Variants in CIC observed in about 807,000 individuals in gnomAD.
CIC encodes capicua transcriptional repressor, also known as protein capicua homolog.
CIC carries 18 observed loss-of-function variants against 115.7 expected under a neutral mutation model. The ratio of observed to expected loss-of-function variants is 0.16; its 90% confidence interval spans 0.11 to 0.23. The LOEUF (loss-of-function observed/expected upper bound fraction) is 0.23. CIC is among the 10% of genes least tolerant of loss of function. The probability of loss-of-function intolerance (pLI) is 1.00; values close to 1 mark genes in which losing one functional copy is unlikely to be tolerated. For synonymous variants in CIC, 1,076 were observed against 923.0 expected (o/e 1.17, Z -3.01); for missense variants, 2,000 against 2,159.3 (o/e 0.93, Z 1.46).
intron 2 of CIC, among the ~76,000 whole-genome samples, chr19:42,281,035 AC>A (rs1439363664): frequency 7.5e-6 from 1 of 132,604 alleles, no homozygotes; most frequent in African/African-American, 2.9e-5. Context: ...ACACTGACTC[AC>A]CCCGGCGCTA....
rs932288253 is a variant in CIC, at chr19:42,287,303, C to T, written c.3180-17C>T. The T allele has an allele frequency of 5.6e-6, 9 of 1,614,112 alleles. No homozygotes were observed. The highest frequency in any genetic ancestry group is 7.6e-6 in the Non-Finnish European group (9 of 1,180,030). On this transcript the variant is annotated splice_polypyrimidine_tract_variant and intron_variant, in intron 4 of 20. Transcript: ENST00000681038. This position sits in a 1 kb window ranked among gnomAD's most constrained non-coding sequence, Gnocchi z 8.7. ...GCCAGAGACATGGCCCTCACTGTCC[C>T]TGCTGCCCCGCCGCAGCTTCCTCTC... is the stretch of plus-strand genomic sequence containing the variant.
intron 16 of CIC, 152 bp from the exon 17 acceptor site, chr19:42,293,440 C>T: frequency 7.2e-7 from 1 of 1,390,748 alleles, no homozygotes; most frequent in Non-Finnish European, 9.9e-7. Context: ...TCTCCTCTCC[C>T]ATCTGAGGCC....
intron 2 of CIC, among the ~76,000 whole-genome samples, chr19:42,275,508 C>T (rs2036940535): frequency 6.6e-6 from 1 of 152,058 alleles, no homozygotes; most frequent in African/African-American, 2.4e-5. Context: ...GAGGGAAGGC[C>T]AGGGTGGCTG....
Position 42,289,963 on chromosome 19 carries a change from G to T in CIC, c.4191+12G>T. 1 of 1,587,186 alleles carries T rather than the reference G, an allele frequency of 6.3e-7. No homozygotes were observed. Among genetic ancestry groups the T allele is most frequent in the East Asian group, 2.3e-5 (1 of 44,132 alleles). ...CAGAGGGCAACAAGGTGAGGGCTTG[G>T]GTCACGGTGCTGTCCCATCACACTC... is the stretch of plus-strand genomic sequence containing the variant. On this transcript the variant is annotated intron_variant, in intron 10 of 20. Transcript: ENST00000681038.
chr19:42,295,249 T>A lies in CIC; in HGVS notation c.*58T>A. 2.0e-6 allele frequency: 3 copies of A among 1,465,560 alleles called. No homozygotes were observed. Among genetic ancestry groups the A allele is most frequent in the Non-Finnish European group, 2.8e-6 (3 of 1,086,260 alleles). 90.8% of individuals were successfully genotyped at this position (1,465,560 alleles called of 1,614,324 possible). On this transcript the variant is annotated 3_prime_UTR_variant, in exon 21 of 21. Coordinates refer to ENST00000681038, the MANE Select transcript of CIC (RefSeq NM_001386298.1). ...ACCCCCTCAGGACATGGACAGTATG[T>A]GGGGGCAGGAAGGTTATCTCCTCCC...
Position 42,291,727 on chromosome 19 carries a change from T to C in CIC, c.5595T>C (p.Gly1865=), listed in dbSNP as rs1007969231. ...SPPFSVPVQN[G]AQPPSKIIQL... ...CCTTCTCAGTACCTGTGCAGAATGG[T>C]GCCCAGCCCCCCAGCAAGGTGAGGG... The change falls in exon 12 of 21, where the codon GGT becomes GGC. Residue 1865 remains glycine (G), a synonymous_variant. Transcript: ENST00000681038. 2 of 1,612,864 alleles carry C rather than the reference T, an allele frequency of 1.2e-6. No homozygotes were observed. Among genetic ancestry groups the C allele is most frequent in the African/African-American group, 2.7e-5 (2 of 74,900 alleles).
chr19:42,282,613 T>C (rs2037309875), intron 2 of CIC, among the ~76,000 whole-genome samples: 1 of 152,192 alleles, frequency 6.6e-6, no homozygotes, highest in Admixed American at 6.5e-5. Flanking sequence ...TGGAGTTCCC[T>C]CCCTGGGTCC....
chr19:42,280,844 C>G lies in CIC; in HGVS notation c.2795-5927C>G, dbSNP rs1017796894. 6.6e-6 allele frequency among the ~76,000 whole-genome samples: 1 copy of G among 151,972 alleles called. No homozygotes were observed. The highest frequency in any genetic ancestry group is 1.5e-5 in the Non-Finnish European group (1 of 67,944). On this transcript the variant is annotated intron_variant, in intron 2 of 20. Transcript: ENST00000681038. The surrounding 1 kb of genome is among the most constrained non-coding windows in gnomAD (Gnocchi z 4.9). ...CCCTCAGCCCGCGCCGACCAACCCT[C>G]CCAGCCCAAGCGCCTGTACACCCCT...
rs1212174715 is a variant in CIC, at chr19:42,269,356, C to A, written c.-36C>A. ...GGACCGAGCCGGGGCCACGGCCCCC[C>A]GCCCCGAAACCCCGCCGAGCCCAAG... is the stretch of plus-strand genomic sequence containing the variant. On this transcript the variant is annotated 5_prime_UTR_variant, in exon 1 of 21. Transcript: ENST00000681038. The A allele has an allele frequency of 6.8e-6, 1 of 146,788 alleles. No homozygotes were observed. Among genetic ancestry groups the A allele is most frequent in the Admixed American group, 6.7e-5 (1 of 14,870 alleles). The allele number at this position is 146,788 out of a possible 1,614,324, so 9.1% of individuals were successfully genotyped here.
In CIC at chr19:42,294,964, C is replaced by T. The variant is rs760743180; in HGVS notation, c.7327C>T (p.Pro2443Ser). ...PTEQPPGAEA[P>S]LPVPPPTGTA... ...GGAGCAGCCCCCTGGAGCTGAGGCT[C>T]CTCTCCCTGTACCGCCCCCCACTGG... is the stretch of plus-strand genomic sequence containing the variant. Residue 2443 changes from proline (P) to serine (S), a missense_variant, in exon 21 of 21, where the codon CCT becomes TCT. By Grantham distance (74) the Pro-to-Ser change is moderately conservative. Transcript: ENST00000681038. 2 of 1,600,272 alleles carry T rather than the reference C, an allele frequency of 1.2e-6. No homozygotes were observed. The highest frequency in any genetic ancestry group is 2.2e-5 in the East Asian group (1 of 44,862).
rs749470261 is a variant in CIC, at chr19:42,294,227, G to A, written c.6977G>A (p.Arg2326His). 4 of 1,613,798 alleles carry A rather than the reference G, an allele frequency of 2.5e-6. No homozygotes were observed. Among genetic ancestry groups the A allele is most frequent in the Non-Finnish European group, 3.4e-6 (4 of 1,180,012 alleles). The part of the protein sequence containing the change: ...PTSPKRKMRR[R>H]SSCSSEPNTP... ...TCGCCCAAGCGCAAGATGAGAAGAC[G>A]CTCCAGCTGCAGCTCGGAGCCCAAC... is the stretch of plus-strand genomic sequence containing the variant. Residue 2326 changes from arginine to histidine, a missense_variant, in exon 19 of 21, where the codon CGC becomes CAC. Arg to His is a conservative substitution (Grantham distance 29). This residue lies in a region of CIC where 99 missense variants were observed against 217.6 expected (regional missense o/e 0.45). Transcript: ENST00000681038.
At chr19:42,268,864 C>T (rs1377734164), upstream of CIC, among the ~76,000 whole-genome samples, 1 of 152,226 alleles carries the variant, frequency 6.6e-6, no homozygotes, top group Non-Finnish European at 1.5e-5. Context: ...TTAGCCCCTC[C>T]TCCTTTCATT....
rs940815613 is a variant in CIC, at chr19:42,291,392, A to G, written c.5351A>G (p.Lys1784Arg). The G allele has an allele frequency of 6.2e-7, 1 of 1,612,434 alleles. No individual in the cohort carries two copies. Among genetic ancestry groups the G allele is most frequent in the Non-Finnish European group, 8.5e-7 (1 of 1,179,696 alleles). The change falls in exon 11 of 21, where the codon AAA (lysine) becomes AGA (arginine). Residue 1784 changes from lysine to arginine, a missense_variant. Around this residue, in one of 8 missense-constraint regions of CIC, gnomAD observed 1,466 missense variants for 1,390.4 expected, o/e 1.05. Coordinates refer to ENST00000681038, the MANE Select transcript of CIC (RefSeq NM_001386298.1). ...TLPPGTSTNGKVLAATAPTPG... is the reference protein window; with the variant it reads ...TLPPGTSTNGRVLAATAPTPG... ...CCACCGGGCACTTCCACCAACGGCA[A>G]AGTCCTGGCTGCCACTGCACCCACT...
chr19:42,284,887 T>G (rs2037515384), intron 2 of CIC: 5 of 965,060 alleles, frequency 5.2e-6, no homozygotes, highest in Non-Finnish European at 7.9e-6. Flanking sequence ...AGTAAAGGGA[T>G]GACGGGGAAA....
rs1051343138 is a variant in CIC at position 42,272,612 on chromosome 19, G to A, written c.829G>A (p.Gly277Ser). Residue 277 changes from glycine (G) to serine (S), a missense_variant, in exon 2 of 21, where the codon GGC becomes AGC. Transcript: ENST00000681038. ...GTAVCTCVEP[G>S]VAAYREGVVV... ...AGCTGTCTGTACCTGTGTGGAGCCC[G>A]GCGTGGCTGCCTACCGGGAAGGTGT... 1.8e-5 allele frequency: 7 copies of A among 398,532 alleles called. No individual in the cohort carries two copies. Among genetic ancestry groups the A allele is most frequent in the African/African-American group, 8.2e-5 (4 of 48,582 alleles). The allele number at this position is 398,532 out of a possible 1,614,324, so 24.7% of individuals were successfully genotyped here.
At position 42,295,293 on chromosome 19, in the gene CIC, C is replaced by A; in HGVS notation, c.*102C>A. On this transcript the variant is annotated 3_prime_UTR_variant, in exon 21 of 21. Coordinates refer to ENST00000681038, the MANE Select transcript of CIC (RefSeq NM_001386298.1). ...TCCTCCCGGGTAAAGCCATTTCGTC[C>A]TCTCCAGTTTGGGGCGGAATGAGGC... 9.1e-7 allele frequency: 1 copy of A among 1,098,594 alleles called. No homozygotes were observed. The highest frequency in any genetic ancestry group is 1.6e-5 in the African/African-American group (1 of 64,200). The allele number at this position is 1,098,594 out of a possible 1,614,324, so 68.1% of individuals were successfully genotyped here.
rs2037985770 is a variant in CIC at position 42,290,319 on chromosome 19, C to T, written c.4278C>T (p.Pro1426=). The change falls in exon 11 of 21, where the codon CCC becomes CCT. Residue 1426 remains proline, a synonymous_variant. Transcript: ENST00000681038. ...CACTGGACCCTGAGCCCCCAGGGCC[C>T]CCGGATCCTCCTGTAGCCTTTGGCA... ...RPPLDPEPPG[P]PDPPVAFGKG... The T allele has an allele frequency of 1.2e-6, 2 of 1,614,110 alleles. No individual in the cohort carries two copies. Among genetic ancestry groups the T allele is most frequent in the Non-Finnish European group, 1.7e-6 (2 of 1,179,982 alleles).
intron 2 of CIC, chr19:42,284,601 C>T (rs896954824): frequency 1.5e-5 from 8 of 550,554 alleles, no homozygotes; most frequent in African/African-American, 1.2e-4. Flanking sequence ...GCCTCCCGCT[C>T]CCCCCGGGCC....
At chr19:42,294,761 T>C in intron 20 of CIC, 26 bp downstream of exon 20, 1 of 1,611,784 alleles carries the variant, frequency 6.2e-7, no homozygotes, top group Non-Finnish European at 8.5e-7. Context: ...AGTCTTGGGG[T>C]CACTCGGGTG....
Sources: gnomAD v4.1 joint callset for allele counts (sites outside exome capture counted in the v4.1 genomes callset) on GRCh38, gnomAD v4.1.1 for gene constraint, gnomAD v4.1.1 regional missense constraint, Gnocchi (gnomAD v3.1) non-coding constraint, MANE v1.5 for transcripts, NCBI Gene and HGNC (gene_info 2026-07-23, HGNC 2026-07-21) for gene names.